Variants in CLIC5 observed in about 807,000 individuals in gnomAD.
The protein encoded by CLIC5 is chloride intracellular channel protein 5.
In CLIC5, 20 loss-of-function variants were observed where a neutral mutation model predicts 24.7. The ratio of observed to expected loss-of-function variants is 0.81; its 90% CI spans 0.57 to 1.18. The LOEUF is 1.18. Ranked by LOEUF, CLIC5 falls within the 50% of genes most tolerant of loss-of-function variation. The pLI is 0.00. For synonymous variants in CLIC5, 159 were observed against 135.6 expected (o/e 1.17, Z -1.20); for missense variants, 341 against 326.1 (o/e 1.05, Z -0.35).
At chr6:46,121,171 C>T in the CLIC5 span, among the ~76,000 whole-genome samples, 1 of 152,100 alleles carries the variant, frequency 6.6e-6, no homozygotes, top group East Asian at 1.9e-4. Context: ...ATGTTAAGGG[C>T]AGCCAGAGAG....
At chr6:46,052,121 C>G (rs1422992145) in intron 1 of CLIC5, among the ~76,000 whole-genome samples, 1 of 98,080 alleles carries the variant, frequency 1.0e-5, no homozygotes, top group Non-Finnish European at 2.1e-5. Context: ...GATGAGATTT[C>G]CCTGAAAAAA....
intron 4 of CLIC5, among the ~76,000 whole-genome samples, chr6:45,919,882 A>G (rs1029387763): frequency 6.6e-6 from 1 of 152,164 alleles, no homozygotes; most frequent in Non-Finnish European, 1.5e-5. Context: ...ACTCAGAGTG[A>G]CAGAGAGAAA....
chr6:45,917,002 G>A (rs541999388), intron 4 of CLIC5, among the ~76,000 whole-genome samples: 2 of 152,294 alleles, frequency 1.3e-5, no homozygotes, highest in African/African-American at 2.4e-5. Flanking sequence ...TCTCAAGGCC[G>A]CCCAGGGTGA....
At chr6:46,032,791 C>T (rs1767543668) in intron 1 of CLIC5, among the ~76,000 whole-genome samples, 1 of 152,154 alleles carries the variant, frequency 6.6e-6, no homozygotes. Context: ...CTGGTCACAC[C>T]TGCATCTTAA....
rs547630243 is a variant in CLIC5, at chr6:45,973,104, T to A, written c.64-17860A>T. Among the ~76,000 whole-genome samples, 9 of 152,314 alleles carry A rather than the reference T, an allele frequency of 5.9e-5. No individual in the cohort carries two copies. The South Asian group carries it at 1.2e-3, about 21-fold the overall frequency. On this transcript the variant is annotated intron_variant, in intron 1 of 5. Coordinates refer to ENST00000339561, the MANE Select transcript of CLIC5 (RefSeq NM_016929.5). ...TATTGAAATTCCATGACTTGGCTTG[T>A]CTGTTAGAAGCCAACCAAACCTAGA...
intron 6 of CLIC5, among the ~76,000 whole-genome samples, chr6:45,883,285 G>T (rs1473087588): frequency 6.6e-6 from 1 of 152,170 alleles, no homozygotes; most frequent in South Asian, 2.1e-4. Flanking sequence ...TGAAGGGCTT[G>T]TTTAAATTTT....
At chr6:46,038,306 A>G (rs537170901) in intron 1 of CLIC5, among the ~76,000 whole-genome samples, 1 of 152,354 alleles carries the variant, frequency 6.6e-6, no homozygotes, top group South Asian at 2.1e-4. Context: ...TACAAAATCT[A>G]GGCTTTAGAC....
At chr6:46,128,668 A>G in the CLIC5 span, among the ~76,000 whole-genome samples, 1 of 152,186 alleles carries the variant, frequency 6.6e-6, no homozygotes, top group African/African-American at 2.4e-5. Context: ...AAATAGGTTG[A>G]GACACTGGCC....
chr6:45,916,007 A>G (rs1303361618), intron 4 of CLIC5, among the ~76,000 whole-genome samples: 1 of 152,194 alleles, frequency 6.6e-6, no homozygotes, highest in Non-Finnish European at 1.5e-5. Context: ...TTCTGGAGGC[A>G]AAGCCAAGAG....
chr6:45,895,468 A>C (rs1189109524), downstream of CLIC5, among the ~76,000 whole-genome samples: 2 of 152,210 alleles, frequency 1.3e-5, no homozygotes, highest in East Asian at 3.8e-4. Flanking sequence ...AAGCATATTT[A>C]ACTAACACAG....
intron 1 of CLIC5, among the ~76,000 whole-genome samples, chr6:46,012,711 A>C (rs762858819): frequency 2.6e-5 from 4 of 152,218 alleles, no homozygotes; most frequent in Non-Finnish European, 5.9e-5. Flanking sequence ...TGGGCATTTT[A>C]CCTACTTTCT....
At chr6:46,055,487 C>T (rs1025801335) in intron 1 of CLIC5, among the ~76,000 whole-genome samples, 7 of 152,148 alleles carry the variant, frequency 4.6e-5, no homozygotes, top group Non-Finnish European at 1.0e-4. Context: ...ATCTGCCCGC[C>T]TCGGCCTCCC....
chr6:45,963,386 C>T (rs866650513), intron 1 of CLIC5, among the ~76,000 whole-genome samples: 1 of 152,136 alleles, frequency 6.6e-6, no homozygotes, highest in African/African-American at 2.4e-5. Context: ...CTGTTGCTAT[C>T]CTGAAATTCT....
intron 4 of CLIC5, among the ~76,000 whole-genome samples, chr6:45,926,415 A>AT (rs1230203093): frequency 3.5e-3 from 495 of 140,842 alleles, no homozygotes; most frequent in African/African-American, 8.7e-3. Flanking sequence ...ACCCGGCTAA[A>AT]TTTTTTTTTT....
At chr6:45,884,723 G>A (rs1328590537) in intron 6 of CLIC5, among the ~76,000 whole-genome samples, 2 of 152,120 alleles carry the variant, frequency 1.3e-5, no homozygotes, top group Non-Finnish European at 2.9e-5. Flanking sequence ...ATGGCAGGTA[G>A]ACTACTTTTT....
chr6:46,016,539 T>G (rs73738335), upstream of CLIC5, among the ~76,000 whole-genome samples: 12,108 of 152,254 alleles, frequency 0.08, 680 homozygotes, highest in African/African-American at 0.14. Context: ...TTTCATTTTC[T>G]TTCTATTTCT....
intron 1 of CLIC5, among the ~76,000 whole-genome samples, chr6:46,003,648 G>C (rs139309017): frequency 2.5e-3 from 388 of 152,278 alleles, no homozygotes; most frequent in Non-Finnish European, 4.5e-3. Context: ...ACTCACCCCT[G>C]TGGGTTTTGG....
chr6:46,084,913 A>G (rs1335108025), upstream of CLIC5, among the ~76,000 whole-genome samples: 5 of 152,292 alleles, frequency 3.3e-5, no homozygotes, highest in East Asian at 1.9e-4. Flanking sequence ...AGGTACACCA[A>G]TCAGATGCAG....
intron 1 of CLIC5, among the ~76,000 whole-genome samples, chr6:46,052,925 C>A (rs1053644687): frequency 6.6e-6 from 1 of 151,850 alleles, no homozygotes; most frequent in Non-Finnish European, 1.5e-5. Context: ...CCCTGCCACT[C>A]GGCCCTTATG....
Sources: allele counts gnomAD v4.1 joint callset (sites outside exome capture counted in the v4.1 genomes callset), GRCh38; gene constraint gnomAD v4.1.1; transcripts MANE v1.5; gene names NCBI Gene and HGNC (gene_info 2026-07-23, HGNC 2026-07-21).